MOSPD2: variants seen among roughly 807,000 people sequenced by gnomAD.
The protein encoded by MOSPD2 is motile sperm domain containing 2.
In MOSPD2, 5 loss-of-function variants were observed where a neutral mutation model predicts 41.7. The ratio of observed to expected loss-of-function variants is 0.12; its 90% confidence interval spans 0.06 to 0.25. The LOEUF is 0.25. Among genes scored for constraint, MOSPD2 ranks in the 10% least tolerant of loss-of-function variants. The pLI is 1.00. For synonymous variants in MOSPD2, 115 were observed against 126.9 expected (o/e 0.91, Z 0.63); for missense variants, 282 against 375.2 (o/e 0.75, Z 2.05).
chrX:14,917,336 C>T (rs773519704), intron 13 of MOSPD2, among the ~76,000 whole-genome samples: 11 of 111,796 alleles, frequency 9.8e-5, no homozygotes, highest in Admixed American at 2.8e-4. Flanking sequence ...TGTGCTTGGC[C>T]TTTGGGAGGA....
chrX:14,920,565 A>AT lies in MOSPD2; in HGVS notation c.*761dup. The AT allele has an allele frequency of 2.7e-6, 2 of 753,955 alleles. No individual in the cohort carries two copies. The highest frequency in any genetic ancestry group is 3.1e-6 in the Non-Finnish European group (2 of 639,251). 62.1% of individuals were successfully genotyped at this position (753,955 alleles called of 1,213,427 possible). A position where few individuals can be genotyped will look rare whatever the true frequency, so the allele number is the denominator to read the frequency against. On this transcript the variant is annotated 3_prime_UTR_variant, in exon 15 of 15. Transcript: ENST00000380492. ...TCTCAAGCAGTCCCCCTATCCAGTC[A>AT]TTTTTATGGAGTTTCATGTTGTCCA...
At chrX:14,915,916 T>G (rs2092599620) in intron 12 of MOSPD2, 152 bp downstream of exon 12, 1 of 586,426 alleles carries the variant, frequency 1.7e-6, no homozygotes, top group African/African-American at 2.3e-5. Context: ...GACATCTTTT[T>G]TCCCACATGT....
chrX:14,888,206 GCACACACACA>G lies in MOSPD2; in HGVS notation c.80-4483_80-4474del, dbSNP rs775166629. Among the ~76,000 whole-genome samples, 102 of 56,748 alleles carry G rather than the reference GCACACACACA, an allele frequency of 1.8e-3. 2 individuals are homozygous for G. The highest frequency in any genetic ancestry group is 1.7e-3 in the African/African-American group (35 of 20,430). 49.3% of individuals were successfully genotyped at this position (56,748 alleles called of 115,157 possible). On this transcript the variant is annotated intron_variant, in intron 2 of 14. Transcript: ENST00000380492. ...ATTGGGAGAATATATACACACACAC[GCACACACACA>G]CACACACACACACACACACACACAC...
At chrX:14,895,829 A>C (rs2147490300) in intron 4 of MOSPD2, among the ~76,000 whole-genome samples, 1 of 110,607 alleles carries the variant, frequency 9.0e-6, no homozygotes, top group East Asian at 2.9e-4. Context: ...GAACAGTAAC[A>C]ATCATCTCTT....
chrX:14,918,950 G>C (rs1233595406), intron 14 of MOSPD2, among the ~76,000 whole-genome samples, 168 bp downstream of exon 14: 1 of 112,317 alleles, frequency 8.9e-6, no homozygotes, highest in African/African-American at 3.2e-5. Context: ...GGCCAAGTGT[G>C]GTGCTGCCTG....
Position 14,920,049 on chromosome X carries a change from AT to A in MOSPD2, c.*242del, listed in dbSNP as rs2092606883. 1 of 805,304 alleles carries A rather than the reference AT, an allele frequency of 1.2e-6. No homozygotes were observed. The highest frequency in any genetic ancestry group is 1.5e-6 in the Non-Finnish European group (1 of 656,151). The allele number at this position is 805,304 out of a possible 1,213,427, so 66.4% of individuals were successfully genotyped here. A position where few individuals can be genotyped will look rare whatever the true frequency, so the allele number is the denominator to read the frequency against. ...TAGTAAAGTAAGTAAAGGCATATCCATTGTGTAAATTAATAGTTTAAATATA... is the reference window on the plus strand; with the variant it reads ...TAGTAAAGTAAGTAAAGGCATATCCATGTGTAAATTAATAGTTTAAATATA... On this transcript the variant is annotated 3_prime_UTR_variant, in exon 15 of 15. Coordinates refer to ENST00000380492, the MANE Select transcript of MOSPD2 (RefSeq NM_152581.4).
chrX:14,894,722 G>T (rs897598264), intron 3 of MOSPD2, among the ~76,000 whole-genome samples: 11 of 110,891 alleles, frequency 9.9e-5, no homozygotes, highest in Non-Finnish European at 2.1e-4. Context: ...CTCCCAAAGT[G>T]CTGGGATTAC....
At position 14,920,092 on chromosome X, in the gene MOSPD2, T is replaced by G; in HGVS notation, c.*283T>G. 1 of 740,976 alleles carries G rather than the reference T, an allele frequency of 1.3e-6. No homozygotes were observed. The highest frequency in any genetic ancestry group is 7.1e-5 in the South Asian group (1 of 14,169). The allele number at this position is 740,976 out of a possible 1,213,427, so 61.1% of individuals were successfully genotyped here. On this transcript the variant is annotated 3_prime_UTR_variant, in exon 15 of 15. Transcript: ENST00000380492. ...TTAAATATAATTTATTTTTTCCTTT[T>G]GATCTGAATACTTTTAAAGCTTAAG...
In MOSPD2 at chrX:14,900,571, T is replaced by A. The variant is rs759636597; in HGVS notation, c.478-4T>A. ...CAGTCTTAAAGATTTAATCTTTATT[T>A]TAGGACATGGACTTTGTACGCTTTA... On this transcript the variant is annotated splice_region_variant and splice_polypyrimidine_tract_variant and intron_variant, in intron 5 of 14. Coordinates refer to ENST00000380492, the MANE Select transcript of MOSPD2 (RefSeq NM_152581.4). 1 of 1,107,332 alleles carries A rather than the reference T, an allele frequency of 9.0e-7. No homozygotes were observed. Among genetic ancestry groups the A allele is most frequent in the Non-Finnish European group, 1.2e-6 (1 of 818,793 alleles). The allele number at this position is 1,107,332 out of a possible 1,213,427, so 91.3% of individuals were successfully genotyped here. A position where few individuals can be genotyped will look rare whatever the true frequency, so the allele number is the denominator to read the frequency against.
At chrX:14,881,171 A>G (rs2092530693) in intron 2 of MOSPD2, among the ~76,000 whole-genome samples, 1 of 107,891 alleles carries the variant, frequency 9.3e-6, no homozygotes, top group African/African-American at 3.4e-5. Flanking sequence ...TAACCTTTAG[A>G]TTTCTCCTGG....
intron 3 of MOSPD2, chrX:14,893,119 CAG>C (rs770322347): frequency 4.6e-5 from 12 of 258,885 alleles, no homozygotes; most frequent in African/African-American, 1.9e-4. Flanking sequence ...TCATTCACAG[CAG>C]AGTTTCCTAA....
intron 6 of MOSPD2, 31 bp from the exon 7 acceptor site, chrX:14,902,935 C>G (rs1602033811): frequency 9.1e-7 from 1 of 1,094,397 alleles, no homozygotes; most frequent in African/African-American, 1.8e-5. Flanking sequence ...GGTACTGATT[C>G]ACATTCAATG....
intron 12 of MOSPD2, 90 bp downstream of exon 12, chrX:14,915,854 G>A (rs1024202439): frequency 6.3e-5 from 49 of 776,918 alleles, no homozygotes; most frequent in Non-Finnish European, 8.8e-5. Context: ...AGAGATGTCA[G>A]GCTAGAATCT....
At chrX:14,906,938 C>T (rs1423812293) in intron 7 of MOSPD2, among the ~76,000 whole-genome samples, 4 of 111,457 alleles carry the variant, frequency 3.6e-5, no homozygotes, top group African/African-American at 6.5e-5. Context: ...GCAGGAGAAT[C>T]GCTTGAACCC....
At chrX:14,915,588 A>T (rs181755474) in intron 11 of MOSPD2, 80 bp from the exon 12 acceptor site, 9 of 578,740 alleles carry the variant, frequency 1.6e-5, no homozygotes, top group South Asian at 1.4e-4. Context: ...ATAAAAATAA[A>T]TTTTTTTAAA....
intron 9 of MOSPD2, among the ~76,000 whole-genome samples, chrX:14,911,965 AT>A (rs1200562482): frequency 2.7e-5 from 3 of 112,083 alleles, no homozygotes; most frequent in East Asian, 2.8e-4. Context: ...TTTATCTAAA[AT>A]TTTTTTATTT....
intron 2 of MOSPD2, among the ~76,000 whole-genome samples, chrX:14,882,003 G>A (rs930485866): frequency 3.7e-5 from 4 of 109,503 alleles, no homozygotes; most frequent in Non-Finnish European, 7.6e-5. Context: ...CACACACCAG[G>A]GCCTGGCATG....
chrX:14,879,416 C>G (rs754545265), intron 2 of MOSPD2, among the ~76,000 whole-genome samples: 2 of 111,688 alleles, frequency 1.8e-5, no homozygotes, highest in Non-Finnish European at 3.8e-5. Flanking sequence ...CATCCTCTCA[C>G]AAGCGTATGG....
At position 14,877,745 on chromosome X, in the gene MOSPD2, G is replaced by A. The variant is rs368729291; in HGVS notation, c.79+3987G>A. 8.4e-5 allele frequency among the ~76,000 whole-genome samples: 9 copies of A among 107,174 alleles called. No individual in the cohort carries two copies. In the East Asian group the frequency reaches 1.8e-3, roughly 21 times the overall value. 93.1% of individuals were successfully genotyped at this position (107,174 alleles called of 115,157 possible). A position where few individuals can be genotyped will look rare whatever the true frequency, so the allele number is the denominator to read the frequency against. On this transcript the variant is annotated intron_variant, in intron 2 of 14. Transcript: ENST00000380492. ...TCCCAGAACTTTGGGAGGCCGAGGC[G>A]GGTGGATTATGAGGTCAGGAGATCA...
Sources: gnomAD v4.1 joint callset for allele counts (sites outside exome capture counted in the v4.1 genomes callset) on GRCh38, gnomAD v4.1.1 for gene constraint, MANE v1.5 for transcripts, NCBI Gene and HGNC (gene_info 2026-07-23, HGNC 2026-07-21) for gene names.